Variants in ARHGAP10 observed in about 807,000 individuals in gnomAD.
ARHGAP10 encodes the protein Rho GTPase activating protein 10.
In ARHGAP10, 87 loss-of-function variants were observed where a neutral mutation model predicts 108.6. The ratio of observed to expected loss-of-function variants is 0.80; its 90% CI spans 0.67 to 0.96. The LOEUF is 0.96. ARHGAP10 is among the 40% of genes least tolerant of loss of function. ARHGAP10 has a pLI of 0.00. For missense variants in ARHGAP10, 939 were observed against 954.5 expected, an observed-to-expected ratio of 0.98 and a Z score of 0.21; for synonymous variants, 347 against 341.1, an observed-to-expected ratio of 1.02 and a Z score of -0.19.
At chr4:147,981,406 T>C (rs1423483067) in intron 18 of ARHGAP10, among the ~76,000 whole-genome samples, 2 of 152,194 alleles carry the variant, frequency 1.3e-5, no homozygotes, top group African/African-American at 4.8e-5. Flanking sequence ...TTTTATTCCA[T>C]TGTGGTCTGA....
intron 19 of ARHGAP10, among the ~76,000 whole-genome samples, chr4:148,040,486 C>T (rs574594440): frequency 2.6e-5 from 4 of 152,206 alleles, no homozygotes; most frequent in East Asian, 1.9e-4. Context: ...GGATTACAGG[C>T]GTGCACCACC....
intron 1 of ARHGAP10, among the ~76,000 whole-genome samples, chr4:147,734,315 T>TG (rs1266055966): frequency 1.3e-5 from 2 of 152,162 alleles, no homozygotes; most frequent in African/African-American, 4.8e-5. Context: ...CCAGTGCATC[T>TG]GGGGGGCCAG....
chr4:147,901,429 A>G (rs17024108), intron 10 of ARHGAP10, among the ~76,000 whole-genome samples: 1,549 of 152,346 alleles, frequency 0.01, 24 homozygotes, highest in African/African-American at 0.034. Flanking sequence ...TTAATTCTCA[A>G]TAGTGGAACT....
Position 147,748,500 on chromosome 4 carries a change from G to A in ARHGAP10, c.154+16045G>A, listed in dbSNP as rs534631930. Among the ~76,000 whole-genome samples the A allele has an allele frequency of 3.3e-5, 5 of 152,292 alleles. No homozygotes were observed. The South Asian group carries it at 1.0e-3, about 32-fold the overall frequency. On this transcript the variant is annotated intron_variant, in intron 1 of 22. Transcript: ENST00000336498. Reference sequence around the variant, plus strand: ...GTATACTTACAATTTTCCTAAGAGGGTAGATCTTATATTAAGTGCTCTTTC... The same window carrying A: ...GTATACTTACAATTTTCCTAAGAGGATAGATCTTATATTAAGTGCTCTTTC...
chr4:147,762,021 T>G (rs925972698), intron 1 of ARHGAP10, among the ~76,000 whole-genome samples: 2 of 152,198 alleles, frequency 1.3e-5, no homozygotes, highest in South Asian at 4.1e-4. Flanking sequence ...TTATTTTTAT[T>G]TTTTGAGACA....
At chr4:147,883,485 A>T (rs1280348494) in intron 10 of ARHGAP10, among the ~76,000 whole-genome samples, 1 of 152,196 alleles carries the variant, frequency 6.6e-6, no homozygotes, top group East Asian at 1.9e-4. Context: ...TCTGAGTGCC[A>T]CTGTTCTAAA....
At chr4:147,941,078 G>A (rs527449149) in intron 14 of ARHGAP10, among the ~76,000 whole-genome samples, 1 of 152,312 alleles carries the variant, frequency 6.6e-6, no homozygotes, top group African/African-American at 2.4e-5. Flanking sequence ...TTTAATGGGA[G>A]TACAGCATCT....
chr4:147,994,448 G>T (rs1366129491), intron 18 of ARHGAP10, among the ~76,000 whole-genome samples: 1 of 152,166 alleles, frequency 6.6e-6, no homozygotes, highest in Non-Finnish European at 1.5e-5. Context: ...GTGCACATGG[G>T]CTACAGATTT....
intron 22 of ARHGAP10, 132 bp from the exon 23 acceptor site, chr4:148,071,861 C>G: frequency 1.4e-6 from 1 of 689,786 alleles, no homozygotes; most frequent in Non-Finnish European, 2.5e-6. Context: ...CTGGTGCAGA[C>G]TTTGTGACCC....
intron 4 of ARHGAP10, among the ~76,000 whole-genome samples, chr4:147,847,606 T>C (rs1733689278): frequency 1.3e-5 from 2 of 152,214 alleles, no homozygotes; most frequent in Non-Finnish European, 2.9e-5. Context: ...GCTGCCACAC[T>C]GTGATGCCGT....
chr4:147,815,480 G>T (rs1393797446), intron 1 of ARHGAP10, among the ~76,000 whole-genome samples: 1 of 152,166 alleles, frequency 6.6e-6, no homozygotes, highest in South Asian at 2.1e-4. Flanking sequence ...GGCGGGGGGC[G>T]GGGGGAGGAG....
rs1208726960 is a variant in ARHGAP10, at chr4:148,072,055, C to T, written c.2335C>T (p.Pro779Ser). The part of the protein sequence containing the change: ...GTLNGKRGLI[P>S]QNYVKLL Reference sequence around the variant, plus strand: ...TCTGAACGGCAAGAGGGGGCTGATTCCACAGAACTACGTCAAGCTGCTGTA... The same window carrying T: ...TCTGAACGGCAAGAGGGGGCTGATTTCACAGAACTACGTCAAGCTGCTGTA... Residue 779 changes from proline to serine, a missense_variant, in exon 23 of 23, where the codon CCA becomes TCA. Physicochemically the swap from Pro to Ser is moderately conservative, Grantham distance 74 (BLOSUM62 -1). Coordinates refer to ENST00000336498, the MANE Select transcript of ARHGAP10 (RefSeq NM_024605.4). 1.2e-6 allele frequency: 2 copies of T among 1,613,474 alleles called. No homozygotes were observed. The highest frequency in any genetic ancestry group is 1.7e-6 in the Non-Finnish European group (2 of 1,179,790).
intron 13 of ARHGAP10, among the ~76,000 whole-genome samples, chr4:147,938,344 A>G (rs746626026): frequency 6.6e-6 from 1 of 152,172 alleles, no homozygotes; most frequent in Non-Finnish European, 1.5e-5. Flanking sequence ...ACAAACCTGT[A>G]CATGTACCCC....
chr4:147,963,928 A>G (rs1373030376), intron 16 of ARHGAP10, among the ~76,000 whole-genome samples: 1 of 152,186 alleles, frequency 6.6e-6, no homozygotes, highest in African/African-American at 2.4e-5. Context: ...TGCCAGTCAT[A>G]TTGGATGAAG....
intron 1 of ARHGAP10, among the ~76,000 whole-genome samples, chr4:147,750,721 C>T (rs1443582051): frequency 6.6e-6 from 1 of 151,638 alleles, no homozygotes; most frequent in East Asian, 2.0e-4. Context: ...CCTGCCTCAG[C>T]CTCCTGAGTA....
At position 147,849,978 on chromosome 4, in the gene ARHGAP10, A is replaced by C. The variant is rs1579114314; in HGVS notation, c.384+2756A>C. On this transcript the variant is annotated intron_variant, in intron 4 of 22. Transcript: ENST00000336498. ...TCTGGGTCGGGTGGGGACTTGGAGA[A>C]CTTTTCTGTCTAGCTAAAGGATTGT... is the stretch of plus-strand genomic sequence containing the variant. Among the ~76,000 whole-genome samples, 3 of 152,324 alleles carry C rather than the reference A, an allele frequency of 2.0e-5. No individual in the cohort carries two copies. In the East Asian group the frequency reaches 5.8e-4, roughly 29 times the overall value.
chr4:147,824,562 C>T (rs961213699), intron 3 of ARHGAP10, among the ~76,000 whole-genome samples: 5 of 152,150 alleles, frequency 3.3e-5, no homozygotes, highest in Admixed American at 6.5e-5. Flanking sequence ...CTCACAGTTC[C>T]GCATTGCTGG....
intron 1 of ARHGAP10, among the ~76,000 whole-genome samples, chr4:147,741,153 A>C (rs572328429): frequency 2.0e-5 from 3 of 152,302 alleles, no homozygotes; most frequent in African/African-American, 7.2e-5. Context: ...ATGATGATGT[A>C]CCTTCTACCT....
intron 1 of ARHGAP10, among the ~76,000 whole-genome samples, chr4:147,809,771 T>G (rs1197003974): frequency 2.6e-5 from 4 of 152,262 alleles, no homozygotes; most frequent in African/African-American, 4.8e-5. Flanking sequence ...TATCATTAGA[T>G]TCTCATAAGG....
Sources: gnomAD v4.1 joint callset for allele counts (sites outside exome capture counted in the v4.1 genomes callset) on GRCh38, gnomAD v4.1.1 for gene constraint, MANE v1.5 for transcripts, NCBI Gene and HGNC (gene_info 2026-07-23, HGNC 2026-07-21) for gene names.